Variants in SEMA5A observed in about 807,000 individuals in gnomAD.
SEMA5A encodes the protein semaphorin-5A.
SEMA5A carries 55 observed loss-of-function variants against 135.5 expected under a neutral mutation model. The ratio of observed to expected loss-of-function variants is 0.41; its 90% CI spans 0.33 to 0.51. SEMA5A has a LOEUF of 0.51. SEMA5A is among the 20% of genes least tolerant of loss of function. The pLI is 0.37. For synonymous variants in SEMA5A, 580 were observed against 546.5 expected, an observed-to-expected ratio of 1.06 and a Z score of -0.85; for missense variants, 1,290 against 1,419.9, an observed-to-expected ratio of 0.91 and a Z score of 1.47.
chr5:9,123,107 A>C (rs2150186767), intron 13 of SEMA5A, among the ~76,000 whole-genome samples: 1 of 151,482 alleles, frequency 6.6e-6, no homozygotes, highest in Admixed American at 6.6e-5. Context: ...ACAAAAAATT[A>C]GCCTGGCATG....
intron 3 of SEMA5A, among the ~76,000 whole-genome samples, chr5:9,361,769 C>A (rs1754706291): frequency 6.6e-6 from 1 of 152,184 alleles, no homozygotes; most frequent in African/African-American, 2.4e-5. Context: ...GTCTATTTTG[C>A]GGATCTAGGG....
intron 2 of SEMA5A, among the ~76,000 whole-genome samples, chr5:9,406,174 G>C (rs546552855): frequency 1.3e-5 from 2 of 152,288 alleles, no homozygotes; most frequent in South Asian, 4.1e-4. Context: ...ATGCACAAGA[G>C]CAGTATTTGT....
intron 4 of SEMA5A, among the ~76,000 whole-genome samples, chr5:9,324,930 C>T (rs1435233613): frequency 6.6e-6 from 1 of 152,186 alleles, no homozygotes. Context: ...GTCTCCCTAA[C>T]AGGGCAATGC....
chr5:9,149,647 A>T (rs1742525589), intron 12 of SEMA5A, among the ~76,000 whole-genome samples: 1 of 152,158 alleles, frequency 6.6e-6, no homozygotes, highest in Admixed American at 6.5e-5. Flanking sequence ...CGTCTCAAAA[A>T]CAAAACAAAA....
chr5:9,168,086 T>A (rs1276593099), intron 11 of SEMA5A, among the ~76,000 whole-genome samples: 1 of 152,118 alleles, frequency 6.6e-6, no homozygotes, highest in African/African-American at 2.4e-5. Context: ...CCACTGAAAG[T>A]TGCCCAAGAG....
chr5:9,323,121 C>A (rs1421886023), intron 4 of SEMA5A, among the ~76,000 whole-genome samples: 1 of 152,048 alleles, frequency 6.6e-6, no homozygotes, highest in Non-Finnish European at 1.5e-5. Flanking sequence ...CCTGCCCATA[C>A]CTAATTCTAA....
chr5:9,383,052 G>T (rs556544703), intron 2 of SEMA5A, among the ~76,000 whole-genome samples: 2 of 152,222 alleles, frequency 1.3e-5, no homozygotes, highest in Non-Finnish European at 2.9e-5. Flanking sequence ...TCATCTGTCC[G>T]CCAGCCCACA....
At chr5:9,402,853 C>T (rs1279239461) in intron 2 of SEMA5A, among the ~76,000 whole-genome samples, 2 of 152,170 alleles carry the variant, frequency 1.3e-5, no homozygotes, top group Non-Finnish European at 1.5e-5. Context: ...TCCTTTTTCT[C>T]TCATGTATCC....
chr5:9,370,183 C>A (rs1014530834), intron 3 of SEMA5A, among the ~76,000 whole-genome samples: 2 of 152,166 alleles, frequency 1.3e-5, no homozygotes, highest in African/African-American at 4.8e-5. Flanking sequence ...CACAAAAAAT[C>A]AAACATACAA....
chr5:9,335,238 TGA>T (rs145763834), intron 4 of SEMA5A, among the ~76,000 whole-genome samples: 5 of 151,526 alleles, frequency 3.3e-5, no homozygotes, highest in Non-Finnish European at 7.4e-5. Flanking sequence ...CTAGGGATAC[TGA>T]GAGAGAGAGA....
At chr5:9,088,441 G>C (rs1177479640) in intron 16 of SEMA5A, among the ~76,000 whole-genome samples, 4 of 150,560 alleles carry the variant, frequency 2.7e-5, no homozygotes, top group Non-Finnish European at 5.9e-5. Flanking sequence ...CTTATACTGT[G>C]ACAGAAAAAA....
At position 9,066,425 on chromosome 5, in the gene SEMA5A, T is replaced by G. The variant is rs775735560; in HGVS notation, c.2295A>C (p.Thr765=). ...CCCCACGGAATCACTACTCACCATC[T>G]GTGGAGCAGCCACTGGTGCCGTCGC... The part of the protein sequence containing the change: ...CSSDGTSGCS[T]DGLSGDFLRA... The change falls in exon 17 of 23, where the codon ACA becomes ACC. Residue 765 remains threonine, a synonymous_variant. Coordinates refer to ENST00000382496, the MANE Select transcript of SEMA5A (RefSeq NM_003966.3). The G allele has an allele frequency of 6.2e-7, 1 of 1,614,080 alleles. No homozygotes were observed. The highest frequency in any genetic ancestry group is 2.2e-5 in the East Asian group (1 of 44,882).
chr5:9,419,008 C>T (rs1757375391), intron 2 of SEMA5A, among the ~76,000 whole-genome samples: 1 of 152,162 alleles, frequency 6.6e-6, no homozygotes, highest in Admixed American at 6.5e-5. Flanking sequence ...TGTCTTGGGG[C>T]TACATGCTTT....
chr5:9,413,984 G>A (rs150839898), intron 2 of SEMA5A, among the ~76,000 whole-genome samples: 3,837 of 152,274 alleles, frequency 0.025, 56 homozygotes, highest in South Asian at 0.041. Flanking sequence ...CATCAGAGAA[G>A]CTGGAACAGA....
At chr5:9,494,295 G>C (rs1735188815) in intron 1 of SEMA5A, among the ~76,000 whole-genome samples, 1 of 152,126 alleles carries the variant, frequency 6.6e-6, no homozygotes. Flanking sequence ...GACAATCATA[G>C]AAATAGAACA....
At chr5:9,178,331 C>CTTTT (rs5865809) in intron 11 of SEMA5A, among the ~76,000 whole-genome samples, 21 of 123,600 alleles carry the variant, frequency 1.7e-4, no homozygotes, top group Non-Finnish European at 1.5e-4. Context: ...TTTTTCTCTC[C>CTTTT]TTTTTTTTTT....
At chr5:9,541,546 A>C (rs1738091949) in intron 1 of SEMA5A, among the ~76,000 whole-genome samples, 1 of 152,206 alleles carries the variant, frequency 6.6e-6, no homozygotes, top group African/African-American at 2.4e-5. Context: ...AATTCTAGGA[A>C]ACCAATAAGG....
chr5:9,249,002 C>T (rs759029476), intron 5 of SEMA5A, among the ~76,000 whole-genome samples: 28 of 152,212 alleles, frequency 1.8e-4, no homozygotes, highest in Non-Finnish European at 3.7e-4. Context: ...GAATTACACA[C>T]ATGAACACAG....
intron 1 of SEMA5A, among the ~76,000 whole-genome samples, chr5:9,459,269 A>T (rs78874695): frequency 0.012 from 1,770 of 152,290 alleles, 30 homozygotes; most frequent in African/African-American, 0.04. Flanking sequence ...CCTTGAGGGT[A>T]GGTGGGACCT....
Sources: allele counts gnomAD v4.1 joint callset (sites outside exome capture counted in the v4.1 genomes callset), GRCh38; gene constraint gnomAD v4.1.1; transcripts MANE v1.5; gene names NCBI Gene and HGNC (gene_info 2026-07-23, HGNC 2026-07-21).